UBE3D: variants seen among roughly 807,000 people sequenced by gnomAD.
The protein encoded by UBE3D is ubiquitin protein ligase E3D.
A neutral mutation model predicts 49.6 loss-of-function variants in UBE3D; 48 were observed. The ratio of observed to expected loss-of-function variants is 0.97; its 90% CI spans 0.77 to 1.23. The LOEUF is 1.23. Ranked by LOEUF, UBE3D falls within the 50% of genes most tolerant of loss-of-function variation. The pLI is 0.00. For missense variants in UBE3D, 452 were observed against 468.4 expected, an observed-to-expected ratio of 0.96 and a Z score of 0.32; for synonymous variants, 189 against 174.2, an observed-to-expected ratio of 1.08 and a Z score of -0.67.
intron 8 of UBE3D, among the ~76,000 whole-genome samples, chr6:82,972,352 C>T (rs1213801389): frequency 1.3e-5 from 2 of 152,174 alleles, no homozygotes; most frequent in African/African-American, 2.4e-5. Context: ...TTTCATAACC[C>T]TAAGTCATAA....
In UBE3D at chr6:83,009,585, C is replaced by T. The variant is rs113776687; in HGVS notation, c.1010+9388G>A. 4.0e-3 allele frequency among the ~76,000 whole-genome samples: 592 copies of T among 147,542 alleles called. 7 individuals are homozygous for T. The highest frequency in any genetic ancestry group is 0.014 in the African/African-American group (559 of 40,122). ...AAACATTAATAGAGAAAAAACAAGA[C>T]TTTAAGTAGAAATACTATTCTCACA... On this transcript the variant is annotated intron_variant, in intron 8 of 9. Coordinates refer to ENST00000369747, the MANE Select transcript of UBE3D (RefSeq NM_198920.3).
chr6:83,034,812 A>G (rs1782127606), intron 5 of UBE3D, among the ~76,000 whole-genome samples: 1 of 152,150 alleles, frequency 6.6e-6, no homozygotes, highest in South Asian at 2.1e-4. Flanking sequence ...GTAGTTCTTT[A>G]CAGCAGTGTG....
intron 9 of UBE3D, among the ~76,000 whole-genome samples, chr6:82,904,176 G>A (rs1486946449): frequency 6.6e-6 from 1 of 151,992 alleles, no homozygotes; most frequent in Non-Finnish European, 1.5e-5. Flanking sequence ...ATAGGTTTTT[G>A]GAAACTGTGA....
intron 8 of UBE3D, among the ~76,000 whole-genome samples, chr6:83,002,620 C>T (rs9341954): frequency 0.64 from 96,890 of 152,204 alleles, 31,783 homozygotes; most frequent in East Asian, 0.78. Context: ...AGGAGGCAGA[C>T]GTTGCGGTGA....
chr6:82,954,729 C>T (rs1420647877), intron 9 of UBE3D, among the ~76,000 whole-genome samples: 2 of 152,250 alleles, frequency 1.3e-5, no homozygotes, highest in South Asian at 2.1e-4. Flanking sequence ...CATTCCTCGC[C>T]ATTATAATAA....
chr6:83,058,332 C>T (rs1192963556), intron 1 of UBE3D, among the ~76,000 whole-genome samples: 2 of 152,034 alleles, frequency 1.3e-5, no homozygotes, highest in Non-Finnish European at 2.9e-5. Flanking sequence ...ATTTCATATA[C>T]AAGATTTTAA....
intron 9 of UBE3D, among the ~76,000 whole-genome samples, chr6:82,900,501 C>A (rs9449556): frequency 0.12 from 18,519 of 152,134 alleles, 1,485 homozygotes; most frequent in African/African-American, 0.22. Context: ...ATTTCAGTGG[C>A]AATTTTTAAA....
intron 8 of UBE3D, among the ~76,000 whole-genome samples, chr6:82,960,838 A>C (rs1235942740): frequency 6.6e-6 from 1 of 152,114 alleles, no homozygotes; most frequent in Non-Finnish European, 1.5e-5. Context: ...TTCCTCACTG[A>C]CATTTGTATG....
intron 8 of UBE3D, among the ~76,000 whole-genome samples, chr6:83,015,859 T>C (rs149476514): frequency 1.4e-3 from 212 of 152,188 alleles, no homozygotes; most frequent in African/African-American, 4.7e-3. Context: ...ACAGCATGGA[T>C]TGGGGAGGGG....
At chr6:82,908,797 TACTC>T (rs1168341850) in intron 9 of UBE3D, among the ~76,000 whole-genome samples, 1 of 152,182 alleles carries the variant, frequency 6.6e-6, no homozygotes, top group Non-Finnish European at 1.5e-5. Flanking sequence ...CTGCATAACT[TACTC>T]ACGTACTATG....
intron 9 of UBE3D, among the ~76,000 whole-genome samples, chr6:82,940,615 G>C (rs1360459643): frequency 1.3e-5 from 2 of 152,146 alleles, no homozygotes; most frequent in Non-Finnish European, 2.9e-5. Flanking sequence ...TCTTGGTTCA[G>C]GTCTGTCTGC....
chr6:83,024,145 G>A, intron 5 of UBE3D, 107 bp from the exon 6 acceptor site: 1 of 535,910 alleles, frequency 1.9e-6, no homozygotes, highest in Non-Finnish European at 3.2e-6. Context: ...TAAATATACT[G>A]GTAAAATTAA....
chr6:82,954,680 T>C (rs2127770853), intron 9 of UBE3D, among the ~76,000 whole-genome samples: 1 of 152,298 alleles, frequency 6.6e-6, no homozygotes, highest in East Asian at 1.9e-4. Flanking sequence ...GAATTTCCAA[T>C]TTAAAAAAAA....
At chr6:82,995,280 G>GT (rs1434854933) in intron 8 of UBE3D, among the ~76,000 whole-genome samples, 20 of 152,144 alleles carry the variant, frequency 1.3e-4, no homozygotes, top group Admixed American at 1.3e-3. Flanking sequence ...TGACTCAGCA[G>GT]TTTCAGTAAA....
intron 8 of UBE3D, among the ~76,000 whole-genome samples, chr6:82,975,819 T>C (rs1042362850): frequency 1.3e-5 from 2 of 152,176 alleles, no homozygotes; most frequent in African/African-American, 4.8e-5. Context: ...CAAGTTGCTA[T>C]AGATATTAAA....
At chr6:83,053,922 CCT>C (rs1783638927) in intron 3 of UBE3D, among the ~76,000 whole-genome samples, 1 of 152,136 alleles carries the variant, frequency 6.6e-6, no homozygotes, top group Admixed American at 6.5e-5. Context: ...GATAAGCACT[CCT>C]CTCTCAAAGC....
chr6:83,032,460 C>A lies in UBE3D; in HGVS notation c.667+5956G>T, dbSNP rs377022370. ...GTGTATTTACCCAATGCCTGTACCCCCATTGTATCTAGGAAGTACCTAACT... is the reference window on the plus strand; with the variant it reads ...GTGTATTTACCCAATGCCTGTACCCACATTGTATCTAGGAAGTACCTAACT... On this transcript the variant is annotated intron_variant, in intron 5 of 9. Transcript: ENST00000369747. 9 of 348,120 alleles carry A rather than the reference C, an allele frequency of 2.6e-5. No homozygotes were observed. The East Asian group carries it at 5.4e-4, about 21-fold the overall frequency. The allele number at this position is 348,120 out of a possible 1,614,324, so 21.6% of individuals were successfully genotyped here.
intron 8 of UBE3D, among the ~76,000 whole-genome samples, chr6:82,973,603 A>G (rs1426043854): frequency 6.6e-6 from 1 of 152,136 alleles, no homozygotes; most frequent in Non-Finnish European, 1.5e-5. Flanking sequence ...CCTTAAAATG[A>G]GCTATCTCTG....
intron 3 of UBE3D, among the ~76,000 whole-genome samples, chr6:83,045,474 A>G (rs1021330648): frequency 2.6e-5 from 4 of 151,552 alleles, no homozygotes; most frequent in African/African-American, 9.8e-5. Flanking sequence ...TGGTATTATT[A>G]TGTTCTTATT....
Sources: allele counts gnomAD v4.1 joint callset (sites outside exome capture counted in the v4.1 genomes callset), GRCh38; gene constraint gnomAD v4.1.1; transcripts MANE v1.5; gene names NCBI Gene and HGNC (gene_info 2026-07-23, HGNC 2026-07-21).